The following NPAS3 variants were observed in gnomAD, a reference collection of about 807,000 sequenced individuals.
NPAS3 encodes neuronal PAS domain-containing protein 3.
A neutral mutation model predicts 73.1 loss-of-function variants in NPAS3; 14 were observed. The ratio of observed to expected loss-of-function variants is 0.19; its 90% CI spans 0.13 to 0.30. The LOEUF is 0.30. Ranked by LOEUF, NPAS3 falls within the 10% of genes least tolerant of loss-of-function variation. NPAS3 has a pLI of 1.00. For missense variants in NPAS3, 1,096 were observed against 1,250.0 expected, an observed-to-expected ratio of 0.88 and a Z score of 1.86; for synonymous variants, 620 against 541.5, an observed-to-expected ratio of 1.14 and a Z score of -2.01.
chr14:32,979,738 GT>G (rs141329527), intron 1 of NPAS3, among the ~76,000 whole-genome samples: 4,192 of 152,162 alleles, frequency 0.028, 190 homozygotes, highest in African/African-American at 0.095. Context: ...CTTCTCTTTG[GT>G]TTTGAAATTT....
At chr14:33,569,089 A>G (rs2056096359) in intron 5 of NPAS3, among the ~76,000 whole-genome samples, 1 of 152,140 alleles carries the variant, frequency 6.6e-6, no homozygotes, top group African/African-American at 2.4e-5. Flanking sequence ...ATTTTTATCT[A>G]CAGATATAAA....
chr14:32,977,171 C>G (rs1363952627), intron 1 of NPAS3, among the ~76,000 whole-genome samples: 3 of 151,440 alleles, frequency 2.0e-5, no homozygotes, highest in Non-Finnish European at 4.4e-5. Context: ...GAATATAGTC[C>G]CATAGGTAAA....
intron 2 of NPAS3, among the ~76,000 whole-genome samples, chr14:33,167,098 G>T (rs2045189424): frequency 6.6e-6 from 1 of 152,094 alleles, no homozygotes; most frequent in Non-Finnish European, 1.5e-5. Flanking sequence ...TAGAAGAATA[G>T]AATTTACAAC....
intron 3 of NPAS3, among the ~76,000 whole-genome samples, chr14:33,243,973 A>G (rs1201061096): frequency 6.6e-6 from 1 of 152,204 alleles, no homozygotes; most frequent in Non-Finnish European, 1.5e-5. Flanking sequence ...TTAGAAAGGA[A>G]TAAAATAATG....
At chr14:33,270,429 T>A (rs1312709800) in intron 3 of NPAS3, among the ~76,000 whole-genome samples, 1 of 152,140 alleles carries the variant, frequency 6.6e-6, no homozygotes, top group African/African-American at 2.4e-5. Context: ...ATATTTATAG[T>A]TATTAACAGT....
intron 7 of NPAS3, among the ~76,000 whole-genome samples, chr14:33,755,837 T>C (rs1296472676): frequency 6.6e-6 from 1 of 152,006 alleles, no homozygotes; most frequent in Non-Finnish European, 1.5e-5. Context: ...CTTCCACTCG[T>C]GGCAGAAGGG....
chr14:32,938,482 A>AGAAAGAGAGAGAG (rs2035781447), upstream of NPAS3, among the ~76,000 whole-genome samples: 1 of 15,056 alleles, frequency 6.6e-5, no homozygotes, highest in Non-Finnish European at 1.6e-4. Context: ...AGAGAGAGAG[A>AGAAAGAGAGAGAG]AATTGAGAGA....
intron 7 of NPAS3, among the ~76,000 whole-genome samples, chr14:33,767,744 A>G (rs1848243469): frequency 6.6e-6 from 1 of 152,118 alleles, no homozygotes; most frequent in Non-Finnish European, 1.5e-5. Flanking sequence ...GATTACTAGA[A>G]CTGAGATTTA....
Position 33,102,108 on chromosome 14 carries a change from C to CT in NPAS3, c.140+46121dup, listed in dbSNP as rs546534077. 1.1e-4 allele frequency among the ~76,000 whole-genome samples: 16 copies of CT among 152,210 alleles called. No individual in the cohort carries two copies. The East Asian group carries it at 2.7e-3, about 26-fold the overall frequency. Reference sequence around the variant, plus strand: ...CATCATCTCTTGCCTGAATCAACCTCTTTTTTTCCCTTCTCCAGTCTTGCC... The same window carrying CT: ...CATCATCTCTTGCCTGAATCAACCTCTTTTTTTTCCCTTCTCCAGTCTTGCC... On this transcript the variant is annotated intron_variant, in intron 2 of 11. Coordinates refer to ENST00000356141, the Ensembl canonical transcript of NPAS3.
rs1226436347 is a variant in NPAS3, at chr14:33,800,749, C to A, written c.2442C>A (p.Ala814=). ...TGCACAGGGTGACCGGGACCCTGGCCGCCACCAGCACGGCCGCGCAGAGGG... is the reference window on the plus strand; with the variant it reads ...TGCACAGGGTGACCGGGACCCTGGCAGCCACCAGCACGGCCGCGCAGAGGG... Residue 814 remains alanine, a synonymous_variant, in exon 12 of 12, where the codon GCC becomes GCA. Transcript: ENST00000356141. The surrounding 1 kb of genome is among the most constrained non-coding windows in gnomAD (Gnocchi z 6.5). The A allele has an allele frequency of 2.6e-6, 4 of 1,562,644 alleles. No homozygotes were observed. The East Asian group carries it at 7.1e-5, about 28-fold the overall frequency.
intron 4 of NPAS3, among the ~76,000 whole-genome samples, chr14:33,553,052 C>T (rs990502238): frequency 2.0e-5 from 3 of 152,226 alleles, no homozygotes; most frequent in African/African-American, 4.8e-5. Context: ...CCCGGTTCCT[C>T]TGGGACAAAC....
intron 3 of NPAS3, among the ~76,000 whole-genome samples, chr14:33,311,756 G>C (rs1002924689): frequency 1.3e-5 from 2 of 152,098 alleles, no homozygotes; most frequent in Non-Finnish European, 2.9e-5. Flanking sequence ...GTGGAGGCGG[G>C]AAAAGGATTA....
At chr14:33,386,512 CTTT>C (rs34867536) in intron 4 of NPAS3, among the ~76,000 whole-genome samples, 4 of 150,006 alleles carry the variant, frequency 2.7e-5, no homozygotes, top group African/African-American at 4.9e-5. Flanking sequence ...CAGTTTCAAT[CTTT>C]TTTTTTTTTA....
chr14:33,766,353 T>C (rs953159834), intron 7 of NPAS3, among the ~76,000 whole-genome samples: 2 of 152,198 alleles, frequency 1.3e-5, no homozygotes, highest in Non-Finnish European at 2.9e-5. Context: ...CATCAAACTA[T>C]ATGCTCCAAT....
At chr14:33,193,340 C>T (rs1403544051) in intron 2 of NPAS3, among the ~76,000 whole-genome samples, 1 of 152,002 alleles carries the variant, frequency 6.6e-6, no homozygotes, top group Non-Finnish European at 1.5e-5. Flanking sequence ...TTCGGGAAAT[C>T]CCAGCCATAG....
At chr14:33,007,555 CAA>C (rs1484933080) in intron 1 of NPAS3, among the ~76,000 whole-genome samples, 3 of 152,098 alleles carry the variant, frequency 2.0e-5, no homozygotes, top group African/African-American at 7.2e-5. Flanking sequence ...TTGTGGAATT[CAA>C]AAGAGATATT....
At chr14:33,145,899 A>G (rs1274403259) in intron 2 of NPAS3, among the ~76,000 whole-genome samples, 2 of 152,126 alleles carry the variant, frequency 1.3e-5, no homozygotes, top group Non-Finnish European at 2.9e-5. Context: ...ATTATTTTCA[A>G]AGAAAATATA....
At chr14:33,369,906 T>G (rs1172386263) in intron 4 of NPAS3, among the ~76,000 whole-genome samples, 1 of 152,202 alleles carries the variant, frequency 6.6e-6, no homozygotes, top group South Asian at 2.1e-4. Context: ...AAGGATGAGA[T>G]GGCTTCTACG....
At chr14:33,188,420 T>C (rs1464463362) in intron 2 of NPAS3, among the ~76,000 whole-genome samples, 2 of 152,180 alleles carry the variant, frequency 1.3e-5, no homozygotes, top group East Asian at 1.9e-4. Flanking sequence ...TTAAAGAGAA[T>C]TGGAGTCCTA....
Sources: gnomAD v4.1 joint callset for allele counts (sites outside exome capture counted in the v4.1 genomes callset) on GRCh38, gnomAD v4.1.1 for gene constraint, Gnocchi (gnomAD v3.1) non-coding constraint, MANE v1.5 for transcripts, NCBI Gene and HGNC (gene_info 2026-07-23, HGNC 2026-07-21) for gene names.